The following ENKUR variants were observed in gnomAD, a reference collection of about 807,000 sequenced individuals.
ENKUR encodes the protein enkurin, TRPC channel interacting protein, also known as enkurin.
ENKUR carries 19 observed loss-of-function variants against 27.6 expected under a neutral mutation model. The observed-to-expected ratio is 0.69, with a 90% CI of 0.48 to 1.01. ENKUR has a LOEUF of 1.01. Ranked by LOEUF, ENKUR falls within the 50% of genes least tolerant of loss-of-function variation. The pLI is 0.00. For synonymous variants in ENKUR, 117 were observed against 96.9 expected (o/e 1.21, Z -1.22); for missense variants, 312 against 310.5 (o/e 1.00, Z -0.04).
At chr10:24,990,136 G>A (rs1435646268) in intron 4 of ENKUR, among the ~76,000 whole-genome samples, 1 of 151,880 alleles carries the variant, frequency 6.6e-6, no homozygotes, top group Non-Finnish European at 1.5e-5. Flanking sequence ...AAACTCAGGG[G>A]CATAAAAATG....
upstream of ENKUR, among the ~76,000 whole-genome samples, chr10:25,020,280 A>ATATCTATATC (rs1231085900): frequency 1.1e-4 from 9 of 82,360 alleles, no homozygotes; most frequent in African/African-American, 4.2e-4. Flanking sequence ...ATATCTATAT[A>ATATCTATATC]TATCTACCCC....
intron 1 of ENKUR, among the ~76,000 whole-genome samples, chr10:25,009,697 C>T: frequency 6.6e-6 from 1 of 152,074 alleles, no homozygotes; most frequent in Non-Finnish European, 1.5e-5. Flanking sequence ...GGGAGGGACC[C>T]AGTGGGAGGT....
intron 2 of ENKUR, among the ~76,000 whole-genome samples, chr10:25,051,062 T>C (rs1851182383): frequency 6.6e-6 from 1 of 152,228 alleles, no homozygotes; most frequent in Admixed American, 6.5e-5. Context: ...ATGTATTTTA[T>C]GTATCCTTGG....
chr10:25,017,962 G>A (rs1226194432), upstream of ENKUR, among the ~76,000 whole-genome samples: 3 of 152,168 alleles, frequency 2.0e-5, no homozygotes, highest in African/African-American at 7.2e-5. Flanking sequence ...TAATTAGAAG[G>A]AACACCTTGA....
intron 2 of ENKUR, among the ~76,000 whole-genome samples, chr10:25,060,528 T>C (rs1490108921): frequency 6.6e-6 from 1 of 152,194 alleles, no homozygotes; most frequent in Non-Finnish European, 1.5e-5. Context: ...ACTCTCCACA[T>C]AAGCATAAAT....
chr10:24,994,085 C>T (rs1849986312), intron 3 of ENKUR, among the ~76,000 whole-genome samples: 2 of 152,148 alleles, frequency 1.3e-5, no homozygotes, highest in African/African-American at 4.8e-5. Context: ...CCTGAGAAGA[C>T]AGTGTCCTCT....
intron 2 of ENKUR, among the ~76,000 whole-genome samples, chr10:25,038,308 A>G (rs1053774016): frequency 9.2e-5 from 14 of 152,220 alleles, no homozygotes; most frequent in Non-Finnish European, 7.4e-5. Context: ...TAGACATGGA[A>G]CTGTGTTATG....
upstream of ENKUR, among the ~76,000 whole-genome samples, chr10:25,020,909 A>G (rs1325819565): frequency 2.6e-5 from 4 of 152,232 alleles, no homozygotes; most frequent in Non-Finnish European, 5.9e-5. Flanking sequence ...GTTTTATGTA[A>G]GTGCCCTAAA....
chr10:24,985,227 C>T (rs1384634674), intron 4 of ENKUR, among the ~76,000 whole-genome samples: 1 of 152,182 alleles, frequency 6.6e-6, no homozygotes, highest in Non-Finnish European at 1.5e-5. Flanking sequence ...ACAGCAAATG[C>T]ATGGGTAAAA....
intron 4 of ENKUR, among the ~76,000 whole-genome samples, chr10:24,985,139 T>C (rs954707861): frequency 5.3e-5 from 8 of 152,226 alleles, no homozygotes; most frequent in Admixed American, 2.6e-4. Context: ...TTGTTTGCTC[T>C]GCTTTTGTTG....
intron 2 of ENKUR, among the ~76,000 whole-genome samples, chr10:25,040,314 G>T (rs939777320): frequency 1.3e-5 from 2 of 152,000 alleles, no homozygotes; most frequent in African/African-American, 4.8e-5. Context: ...TGTGGACTAG[G>T]GAGGTATGAT....
At chr10:24,996,332 G>A (rs1365770192) in intron 2 of ENKUR, among the ~76,000 whole-genome samples, 1 of 152,150 alleles carries the variant, frequency 6.6e-6, no homozygotes, top group South Asian at 2.1e-4. Flanking sequence ...TGAGGTGGGA[G>A]GATTGCTTCA....
upstream of ENKUR, among the ~76,000 whole-genome samples, chr10:25,016,460 G>A (rs1850577086): frequency 1.3e-5 from 2 of 152,346 alleles, no homozygotes; most frequent in South Asian, 4.1e-4. Context: ...TCGCGGTGTG[G>A]GCGGAGCGAG....
chr10:25,027,855 TAAATAA>T (rs1346262140), intron 2 of ENKUR, among the ~76,000 whole-genome samples: 13 of 151,762 alleles, frequency 8.6e-5, no homozygotes, highest in African/African-American at 2.7e-4. Flanking sequence ...CTCAAAAAAA[TAAATAA>T]AAATAAAAAA....
At chr10:25,006,327 A>T (rs1564341756) in intron 1 of ENKUR, among the ~76,000 whole-genome samples, 1 of 152,080 alleles carries the variant, frequency 6.6e-6, no homozygotes, top group South Asian at 2.1e-4. Flanking sequence ...TATTACACAC[A>T]TGGTCTCCTC....
intron 2 of ENKUR, among the ~76,000 whole-genome samples, chr10:25,027,847 C>CA (rs1225610084): frequency 2.0e-5 from 3 of 151,922 alleles, no homozygotes; most frequent in African/African-American, 4.8e-5. Flanking sequence ...GACTCTGTCT[C>CA]AAAAAAATAA....
chr10:24,994,195 T>C (rs1255802787), intron 3 of ENKUR, among the ~76,000 whole-genome samples: 1 of 152,150 alleles, frequency 6.6e-6, no homozygotes, highest in Admixed American at 6.6e-5. Context: ...TACATCACTA[T>C]TGCAATTTCT....
intron 2 of ENKUR, chr10:25,025,079 G>C (rs1358123913): frequency 1.9e-5 from 30 of 1,614,074 alleles, no homozygotes; most frequent in Non-Finnish European, 2.5e-5. Context: ...GCTGACTGGT[G>C]CTCTGAGGGA....
chr10:25,023,996 G>T, intron 2 of ENKUR: 1 of 1,614,148 alleles, frequency 6.2e-7, no homozygotes, highest in Non-Finnish European at 8.5e-7. Context: ...GTAATTGAGG[G>T]GTTGGCTTCT....
Sources: allele counts gnomAD v4.1 joint callset (sites outside exome capture counted in the v4.1 genomes callset), GRCh38; gene constraint gnomAD v4.1.1; transcripts MANE v1.5; gene names NCBI Gene and HGNC (gene_info 2026-07-23, HGNC 2026-07-21).